NFIB: variants seen among roughly 807,000 people sequenced by gnomAD.
NFIB encodes the protein nuclear factor 1 B-type.
Under a neutral mutation model 61.5 loss-of-function variants are expected in NFIB, and 11 were observed. That is an observed-to-expected ratio of 0.18 (90% CI 0.11 to 0.30). The LOEUF (loss-of-function observed/expected upper bound fraction) is 0.30, where lower values mean the gene tolerates loss of function less well. NFIB is among the 10% of genes least tolerant of loss of function. The pLI is 1.00. For synonymous variants in NFIB, 260 were observed against 216.5 expected (o/e 1.20, Z -1.76); for missense variants, 471 against 608.9 (o/e 0.77, Z 2.38).
the NFIB span, among the ~76,000 whole-genome samples, chr9:14,489,008 A>G: frequency 1.3e-5 from 2 of 152,172 alleles, no homozygotes; most frequent in Non-Finnish European, 2.9e-5. Flanking sequence ...AAATTGTGGT[A>G]AGGCATAAAC....
chr9:14,174,323 T>G (rs1294910839), intron 3 of NFIB, among the ~76,000 whole-genome samples: 1 of 152,208 alleles, frequency 6.6e-6, no homozygotes, highest in Admixed American at 6.5e-5. Flanking sequence ...ATAGAGAGCC[T>G]ATTTATAGTC....
At chr9:14,230,961 C>T (rs879181045) in intron 2 of NFIB, among the ~76,000 whole-genome samples, 3 of 147,290 alleles carry the variant, frequency 2.0e-5, no homozygotes, top group Non-Finnish European at 4.5e-5. Context: ...ATTCTGGTGG[C>T]GAAAGGCAAA....
chr9:14,341,027 A>G (rs117106516), intron 1 of NFIB, among the ~76,000 whole-genome samples: 2,273 of 152,322 alleles, frequency 0.015, 21 homozygotes, highest in Non-Finnish European at 0.024. Context: ...ATGCCAATGA[A>G]GCCTTAGTAG....
At chr9:14,115,928 A>G (rs2038063223) in intron 9 of NFIB, among the ~76,000 whole-genome samples, 1 of 152,206 alleles carries the variant, frequency 6.6e-6, no homozygotes, top group Non-Finnish European at 1.5e-5. Context: ...ACAAGCAGGC[A>G]TGACTTATTA....
At chr9:14,461,882 G>C in the NFIB span, among the ~76,000 whole-genome samples, 1 of 152,184 alleles carries the variant, frequency 6.6e-6, no homozygotes, top group South Asian at 2.1e-4. Flanking sequence ...TCTTCCTGAA[G>C]AGTCCAAAGA....
intron 2 of NFIB, among the ~76,000 whole-genome samples, chr9:14,260,355 A>C (rs527754202): frequency 6.6e-6 from 1 of 152,360 alleles, no homozygotes; most frequent in African/African-American, 2.4e-5. Flanking sequence ...CAAGGACACT[A>C]TGAAATGTGA....
chr9:14,182,746 G>GTGTGTGTT (rs2046944997), intron 2 of NFIB, among the ~76,000 whole-genome samples: 1 of 149,640 alleles, frequency 6.7e-6, no homozygotes, highest in African/African-American at 2.5e-5. Context: ...GTGTGTGTGT[G>GTGTGTGTT]TGTGTGTGTG....
At chr9:14,408,493 G>A in the NFIB span, among the ~76,000 whole-genome samples, 1 of 152,186 alleles carries the variant, frequency 6.6e-6, no homozygotes, top group South Asian at 2.1e-4. Flanking sequence ...CCACAATGGA[G>A]GCGGGAATAC....
intron 1 of NFIB, among the ~76,000 whole-genome samples, chr9:14,329,423 C>T (rs948853944): frequency 1.3e-5 from 2 of 152,166 alleles, no homozygotes; most frequent in Admixed American, 1.3e-4. Flanking sequence ...TGCTCCAGGT[C>T]ATAATTAACA....
At chr9:14,205,038 G>A in intron 2 of NFIB, 1 of 262,874 alleles carries the variant, frequency 3.8e-6, no homozygotes, top group Non-Finnish European at 7.6e-6. Flanking sequence ...CCACCAAACT[G>A]GGTTAAATGT....
chr9:14,454,869 C>A, the NFIB span, among the ~76,000 whole-genome samples: 1 of 152,254 alleles, frequency 6.6e-6, no homozygotes, highest in South Asian at 2.1e-4. Flanking sequence ...TATGGTCTCC[C>A]CATTGCTTTT....
intron 9 of NFIB, among the ~76,000 whole-genome samples, chr9:14,115,130 T>C (rs1355921832): frequency 6.6e-6 from 1 of 152,058 alleles, no homozygotes; most frequent in Non-Finnish European, 1.5e-5. Context: ...GTACAAAGTA[T>C]TGTCCATTTT....
At chr9:14,388,367 AGAAGGAAG>A (rs55755915) in intron 1 of NFIB, among the ~76,000 whole-genome samples, 3,851 of 131,672 alleles carry the variant, frequency 0.029, 94 homozygotes, top group Middle Eastern at 0.086. Flanking sequence ...AGAGAAAGAA[AGAAGGAAG>A]GAAGGAAGGA....
At chr9:14,359,801 A>G (rs2061217655) in intron 1 of NFIB, among the ~76,000 whole-genome samples, 1 of 152,120 alleles carries the variant, frequency 6.6e-6, no homozygotes, top group African/African-American at 2.4e-5. Flanking sequence ...TACTAGATAT[A>G]CCTATGAATG....
intron 2 of NFIB, among the ~76,000 whole-genome samples, chr9:14,274,572 C>G (rs542824925): frequency 6.6e-6 from 1 of 152,228 alleles, no homozygotes; most frequent in South Asian, 2.1e-4. Context: ...TCACTCTTCC[C>G]CTTTTAGATT....
At chr9:14,387,100 G>A (rs1458289313) in intron 1 of NFIB, among the ~76,000 whole-genome samples, 1 of 152,218 alleles carries the variant, frequency 6.6e-6, no homozygotes, top group Admixed American at 6.5e-5. Flanking sequence ...CACTAAAAAG[G>A]TGTATGACTT....
chr9:14,414,477 T>A, the NFIB span, among the ~76,000 whole-genome samples: 2 of 144,590 alleles, frequency 1.4e-5, no homozygotes, highest in Admixed American at 6.9e-5. Context: ...CATAACTGGA[T>A]ACCAAAAGGC....
chr9:14,456,184 A>G, the NFIB span, among the ~76,000 whole-genome samples: 1 of 150,530 alleles, frequency 6.6e-6, no homozygotes, highest in Non-Finnish European at 1.5e-5. Context: ...TGAAGTTACA[A>G]AAGTACCTGG....
At chr9:14,324,250 T>C (rs550563055) in intron 1 of NFIB, among the ~76,000 whole-genome samples, 12 of 152,300 alleles carry the variant, frequency 7.9e-5, no homozygotes, top group African/African-American at 2.6e-4. Flanking sequence ...CAAATAGTAG[T>C]TTCATGGTCA....
Sources: allele counts gnomAD v4.1 joint callset (sites outside exome capture counted in the v4.1 genomes callset), GRCh38; gene constraint gnomAD v4.1.1; transcripts MANE v1.5; gene names NCBI Gene and HGNC (gene_info 2026-07-23, HGNC 2026-07-21).